The following TMEM178B variants were observed in gnomAD, a reference collection of about 807,000 sequenced individuals.
TMEM178B encodes the protein transmembrane protein 178B.
A neutral mutation model predicts 31.0 loss-of-function variants in TMEM178B; 5 were observed. The ratio of observed to expected loss-of-function variants is 0.16; its 90% CI spans 0.08 to 0.34. The LOEUF is 0.34. Ranked by LOEUF, TMEM178B falls within the 10% of genes least tolerant of loss-of-function variation. TMEM178B has a pLI of 1.00. For synonymous variants in TMEM178B, 164 were observed against 164.0 expected, an observed-to-expected ratio of 1.00 and a Z score of 0.00; for missense variants, 275 against 400.3, an observed-to-expected ratio of 0.69 and a Z score of 2.67.
chr7:141,182,447 C>T (rs1443656474), intron 1 of TMEM178B, among the ~76,000 whole-genome samples: 1 of 152,190 alleles, frequency 6.6e-6, no homozygotes, highest in Non-Finnish European at 1.5e-5. Flanking sequence ...TGTATTTAAA[C>T]ATGAGTTTTA....
intron 2 of TMEM178B, among the ~76,000 whole-genome samples, chr7:141,257,484 G>A (rs1358947271): frequency 1.3e-5 from 2 of 152,176 alleles, no homozygotes; most frequent in East Asian, 3.9e-4. Flanking sequence ...TGGAATATGT[G>A]GGGATTCCAC....
Position 141,142,338 on chromosome 7 carries a change from A to C in TMEM178B, c.382+67646A>C, listed in dbSNP as rs565618881. The stretch of plus-strand genomic sequence containing the variant: ...ACTGATTCCATGTCTTGCTATTGTG[A>C]ATAGTGCTGTGAGGAACATATAAGT... On this transcript the variant is annotated intron_variant, in intron 1 of 3. Transcript: ENST00000565468. Among the ~76,000 whole-genome samples the C allele has an allele frequency of 7.6e-4, 106 of 138,608 alleles. 1 individual carries two copies. Among genetic ancestry groups the C allele is most frequent in the Admixed American group, 1.1e-3 (17 of 14,834 alleles). The allele number at this position is 138,608 out of a possible 152,430, so 90.9% of individuals were successfully genotyped here. A position where few individuals can be genotyped will look rare whatever the true frequency, so the allele number is the denominator to read the frequency against.
Position 141,344,018 on chromosome 7 carries a change from A to G in TMEM178B, c.497-93590A>G, listed in dbSNP as rs1351667409. Among the ~76,000 whole-genome samples, 1 of 152,204 alleles carries G rather than the reference A, an allele frequency of 6.6e-6. No individual in the cohort carries two copies. Among genetic ancestry groups the G allele is most frequent in the Non-Finnish European group, 1.5e-5 (1 of 68,036 alleles). The stretch of plus-strand genomic sequence containing the variant: ...AAACCACTTATTCATACTGCAGAGG[A>G]AAGGACAGCTTGGATTGTGACAGAT... On this transcript the variant is annotated intron_variant, in intron 2 of 3. Coordinates refer to ENST00000565468, the MANE Select transcript of TMEM178B (RefSeq NM_001195278.2). This position sits in a 1 kb window ranked among gnomAD's most constrained non-coding sequence, Gnocchi z 4.1.
chr7:141,449,433 C>A (rs1801821521), intron 3 of TMEM178B, among the ~76,000 whole-genome samples: 1 of 151,978 alleles, frequency 6.6e-6, no homozygotes, highest in African/African-American at 2.4e-5. Context: ...ATAGCCTGAC[C>A]CAAGGAAGGG....
chr7:141,136,637 A>G (rs1795679926), intron 1 of TMEM178B, among the ~76,000 whole-genome samples: 1 of 152,214 alleles, frequency 6.6e-6, no homozygotes, highest in Non-Finnish European at 1.5e-5. Flanking sequence ...CAAGGGATTA[A>G]TATCCAGAAT....
intron 2 of TMEM178B, among the ~76,000 whole-genome samples, chr7:141,225,150 T>C (rs1797320791): frequency 6.6e-6 from 1 of 152,180 alleles, no homozygotes; most frequent in African/African-American, 2.4e-5. Context: ...GAGGCAGGAC[T>C]AGAATCCAGA....
At chr7:141,302,600 G>A (rs1327978607) in intron 2 of TMEM178B, among the ~76,000 whole-genome samples, 2 of 152,180 alleles carry the variant, frequency 1.3e-5, no homozygotes, top group Non-Finnish European at 2.9e-5. Flanking sequence ...CAAAGTGAAT[G>A]TACTCAATGC....
chr7:141,161,147 G>A (rs569364070), intron 1 of TMEM178B, among the ~76,000 whole-genome samples: 2 of 152,178 alleles, frequency 1.3e-5, no homozygotes, highest in Non-Finnish European at 2.9e-5. Context: ...GAACCACTGC[G>A]CCCGGCCTGG....
intron 2 of TMEM178B, among the ~76,000 whole-genome samples, chr7:141,402,196 A>G (rs561433693): frequency 6.6e-6 from 1 of 152,354 alleles, no homozygotes; most frequent in East Asian, 1.9e-4. Context: ...CCGCACAGGC[A>G]ATGGACACTA....
chr7:141,476,218 A>G lies in TMEM178B; in HGVS notation c.*5432A>G, dbSNP rs1375621512. On this transcript the variant is annotated 3_prime_UTR_variant, in exon 4 of 4. Transcript: ENST00000565468. ...GGACCTGTCGCACTTAAGCACACTT[A>G]AAGGATTCTATTCTTCATTCAGGTC... 1 of 152,204 alleles carries G rather than the reference A, an allele frequency of 6.6e-6. No homozygotes were observed. Among genetic ancestry groups the G allele is most frequent in the Non-Finnish European group, 1.5e-5 (1 of 68,038 alleles). 9.4% of individuals were successfully genotyped at this position (152,204 alleles called of 1,614,324 possible). A position where few individuals can be genotyped will look rare whatever the true frequency, so the allele number is the denominator to read the frequency against.
At chr7:141,424,362 G>C (rs1050508900) in intron 2 of TMEM178B, among the ~76,000 whole-genome samples, 1 of 152,180 alleles carries the variant, frequency 6.6e-6, no homozygotes, top group Non-Finnish European at 1.5e-5. Flanking sequence ...GCCTCCAAAG[G>C]TGAACATCTC....
chr7:141,405,242 G>A (rs142921870), intron 2 of TMEM178B, among the ~76,000 whole-genome samples: 286 of 152,326 alleles, frequency 1.9e-3, no homozygotes, highest in Admixed American at 3.4e-3. Flanking sequence ...TTGGGCAATC[G>A]AGCTTTCAGA....
intron 1 of TMEM178B, among the ~76,000 whole-genome samples, chr7:141,077,307 A>G (rs1794615759): frequency 6.6e-6 from 1 of 152,240 alleles, no homozygotes; most frequent in African/African-American, 2.4e-5. Flanking sequence ...GTAATGGGCA[A>G]GGGAAAAAGA....
intron 1 of TMEM178B, among the ~76,000 whole-genome samples, chr7:141,115,740 A>G (rs907921272): frequency 6.6e-6 from 1 of 152,206 alleles, no homozygotes. Context: ...TGACCTTTCC[A>G]AGGGCATTCA....
intron 3 of TMEM178B, among the ~76,000 whole-genome samples, chr7:141,451,686 T>C (rs1203193806): frequency 6.6e-6 from 1 of 152,232 alleles, no homozygotes; most frequent in African/African-American, 2.4e-5. Flanking sequence ...GCTGGTTCTG[T>C]TCATAAAATA....
chr7:141,509,347 A>G, the TMEM178B span, among the ~76,000 whole-genome samples: 1 of 152,190 alleles, frequency 6.6e-6, no homozygotes, highest in Non-Finnish European at 1.5e-5. Flanking sequence ...AAGAATTTGA[A>G]GAAATAATTA....
chr7:141,262,302 C>T (rs925962864), intron 2 of TMEM178B, among the ~76,000 whole-genome samples: 36 of 152,076 alleles, frequency 2.4e-4, no homozygotes, highest in Non-Finnish European at 1.3e-4. Flanking sequence ...CTTTCTCCCT[C>T]TGCTGGCTCT....
intron 2 of TMEM178B, among the ~76,000 whole-genome samples, chr7:141,235,071 A>G (rs1426612895): frequency 2.6e-5 from 4 of 152,204 alleles, no homozygotes; most frequent in Admixed American, 2.0e-4. Context: ...ACTAGTTGGA[A>G]TGTTCTAGAG....
chr7:141,372,337 G>C (rs941680269), intron 2 of TMEM178B, among the ~76,000 whole-genome samples: 1 of 152,212 alleles, frequency 6.6e-6, no homozygotes, highest in African/African-American at 2.4e-5. Context: ...GGGACACACA[G>C]ATCTCCAGGC....
Sources: allele counts gnomAD v4.1 joint callset (sites outside exome capture counted in the v4.1 genomes callset), GRCh38; gene constraint gnomAD v4.1.1; non-coding constraint Gnocchi (gnomAD v3.1); transcripts MANE v1.5; gene names NCBI Gene and HGNC (gene_info 2026-07-23, HGNC 2026-07-21).